Variants in TNN observed in about 807,000 individuals in gnomAD.
TNN encodes tenascin N.
A neutral mutation model predicts 134.4 loss-of-function variants in TNN; 122 were observed. That is an observed-to-expected ratio of 0.91 (90% CI 0.78 to 1.06). TNN has a LOEUF of 1.06. Among genes scored for constraint, TNN ranks in the 50% least tolerant of loss-of-function variants. The pLI is 0.00. For synonymous variants in TNN, 710 were observed against 670.3 expected (o/e 1.06, Z -0.91); for missense variants, 1,739 against 1,699.4 (o/e 1.02, Z -0.41).
intron 11 of TNN, among the ~76,000 whole-genome samples, chr1:175,120,002 G>A (rs1205899780): frequency 6.6e-6 from 1 of 152,116 alleles, no homozygotes; most frequent in East Asian, 1.9e-4. Flanking sequence ...TCAGCTATAG[G>A]AAATAATGTA....
intron 17 of TNN, among the ~76,000 whole-genome samples, chr1:175,138,468 G>A (rs1220263663): frequency 6.6e-6 from 1 of 152,156 alleles, no homozygotes; most frequent in African/African-American, 2.4e-5. Flanking sequence ...TGACATGGGA[G>A]GGGACAAAGA....
At chr1:175,146,875 C>A (rs1676082006) in intron 18 of TNN, 56 bp from the exon 19 acceptor site, 6 of 1,460,006 alleles carry the variant, frequency 4.1e-6, no homozygotes, top group Non-Finnish European at 5.5e-6. Flanking sequence ...CATAACCCAC[C>A]CTGCCCTCCT....
Position 175,077,620 on chromosome 1 carries a change from G to T in TNN, c.202G>T (p.Asp68Tyr). The change falls in exon 2 of 19, where the codon GAT (aspartate) becomes TAT (tyrosine). Residue 68 changes from aspartate (D) to tyrosine (Y), a missense_variant. Transcript: ENST00000239462. ...CGCTGACCCTCAGCCCCTCAGTGACGATGGGGCTTCGCTCTTGGCCCTGGG... is the reference window on the plus strand; with the variant it reads ...CGCTGACCCTCAGCCCCTCAGTGACTATGGGGCTTCGCTCTTGGCCCTGGG... ...VDADPQPLSDDGASLLALGEA... is the reference protein window; with the variant it reads ...VDADPQPLSDYGASLLALGEA... 6.2e-7 allele frequency: 1 copy of T among 1,614,204 alleles called. No individual in the cohort carries two copies. Among genetic ancestry groups the T allele is most frequent in the Non-Finnish European group, 8.5e-7 (1 of 1,180,026 alleles).
At chr1:175,097,318 T>C in intron 7 of TNN, 99 bp from the exon 8 acceptor site, 1 of 1,462,010 alleles carries the variant, frequency 6.8e-7, no homozygotes, top group Admixed American at 1.9e-5. Flanking sequence ...TTAGAGACTC[T>C]GACATTTGTT....
chr1:175,068,502 T>C (rs530392435), intron 1 of TNN, among the ~76,000 whole-genome samples: 1 of 152,346 alleles, frequency 6.6e-6, no homozygotes, highest in East Asian at 1.9e-4. Flanking sequence ...TCTCCAGACA[T>C]TTAATTTTAC....
At chr1:175,120,713 G>A (rs1185687928) in intron 11 of TNN, among the ~76,000 whole-genome samples, 2 of 149,422 alleles carry the variant, frequency 1.3e-5, no homozygotes, top group East Asian at 1.9e-4. Context: ...TCTTTAGCTG[G>A]ATGGCCCTGT....
chr1:175,087,194 G>A (rs571147665), intron 6 of TNN, among the ~76,000 whole-genome samples: 1 of 152,308 alleles, frequency 6.6e-6, no homozygotes, highest in African/African-American at 2.4e-5. Context: ...TGGAATCACA[G>A]AAACAATCTG....
At position 175,127,919 on chromosome 1, in the gene TNN, CTG is replaced by C. The variant is rs959584804; in HGVS notation, c.3046-110_3046-109del. The C allele has an allele frequency of 4.6e-6, 6 of 1,312,340 alleles. No homozygotes were observed. In the Admixed American group the frequency reaches 8.8e-5, roughly 19 times the overall value. 81.3% of individuals were successfully genotyped at this position (1,312,340 alleles called of 1,614,324 possible). A position where few individuals can be genotyped will look rare whatever the true frequency, so the allele number is the denominator to read the frequency against. The stretch of plus-strand genomic sequence containing the variant: ...ACTGAGGCTTCGGAGAGACAAAACA[CTG>C]TGCTCTCAGAGAGCTTCTGTCATTA... On this transcript the variant is annotated intron_variant, in intron 13 of 18. Transcript: ENST00000239462.
At chr1:175,094,676 A>C (rs1313724078) in intron 7 of TNN, among the ~76,000 whole-genome samples, 1 of 152,202 alleles carries the variant, frequency 6.6e-6, no homozygotes, top group Non-Finnish European at 1.5e-5. Context: ...CTAAGTCAAC[A>C]TTTACTAAAT....
At chr1:175,080,113 G>T (rs1385674832) in intron 3 of TNN, 50 bp from the exon 4 acceptor site, 1 of 1,600,564 alleles carries the variant, frequency 6.2e-7, no homozygotes, top group Non-Finnish European at 8.5e-7. Context: ...ACTGGGTCTG[G>T]ATCGCCTCCC....
Position 175,079,490 on chromosome 1 carries a change from T to C in TNN, c.567T>C (p.His189=). Residue 189 remains histidine (H), a synonymous_variant, in exon 3 of 19, where the codon CAT becomes CAC. Coordinates refer to ENST00000239462, the MANE Select transcript of TNN (RefSeq NM_022093.2). ...GCGTGGACGGGCGCTGCCTGTGCCA[T>C]GAGCCCTACGTGGGTGCCGACTGCG... ...GRCVDGRCLC[H]EPYVGADCGY... is the part of the protein sequence containing the mutation. 1 of 1,562,840 alleles carries C rather than the reference T, an allele frequency of 6.4e-7. No homozygotes were observed. Among genetic ancestry groups the C allele is most frequent in the South Asian group, 1.2e-5 (1 of 86,086 alleles).
chr1:175,143,518 G>GGTGTGTGTGT (rs149081442), intron 17 of TNN, among the ~76,000 whole-genome samples: 5,146 of 148,426 alleles, frequency 0.035, 122 homozygotes, highest in African/African-American at 0.068. Context: ...TTTGTGTGTA[G>GGTGTGTGTGT]GTGTGTGTGT....
intron 12 of TNN, among the ~76,000 whole-genome samples, chr1:175,125,735 TTCTTTCTTTCTTTCTTTCTTTCTC>T: frequency 1.9e-5 from 2 of 107,860 alleles, no homozygotes. Flanking sequence ...CTTTCTTTCT[TTCTTTCTTTCTTTCTTTCTTTCTC>T]TCTCTCTCCC....
intron 9 of TNN, among the ~76,000 whole-genome samples, chr1:175,106,332 G>A (rs1343899497): frequency 6.9e-6 from 1 of 145,666 alleles, no homozygotes; most frequent in African/African-American, 2.5e-5. Flanking sequence ...GAATAGGAAG[G>A]ATACAATTTC....
chr1:175,119,638 C>CTTT (rs869293406), intron 11 of TNN, among the ~76,000 whole-genome samples: 1 of 131,570 alleles, frequency 7.6e-6, no homozygotes, highest in South Asian at 2.3e-4. Context: ...CCTTTTTTTT[C>CTTT]TTTTTTTTTT....
At chr1:175,146,618 T>C (rs1676073230) in intron 18 of TNN, among the ~76,000 whole-genome samples, 2 of 151,814 alleles carry the variant, frequency 1.3e-5, no homozygotes, top group Admixed American at 1.3e-4. Context: ...ACCCCTGTGT[T>C]GTCTCTGTGG....
intron 15 of TNN, among the ~76,000 whole-genome samples, chr1:175,129,915 A>T (rs149098474): frequency 2.0e-5 from 3 of 152,352 alleles, no homozygotes; most frequent in African/African-American, 7.2e-5. Context: ...GAAAGACTAA[A>T]GTCTGAAAGA....
chr1:175,135,455 A>G (rs963134362), intron 15 of TNN, among the ~76,000 whole-genome samples: 1 of 152,222 alleles, frequency 6.6e-6, no homozygotes, highest in Non-Finnish European at 1.5e-5. Context: ...AAGGGGAAAA[A>G]AGATGCCATA....
rs563125800 is a variant in TNN at position 175,091,749 on chromosome 1, C to T, written c.1325-2241C>T. 9.9e-5 allele frequency among the ~76,000 whole-genome samples: 15 copies of T among 152,022 alleles called. 1 individual carries two copies. The East Asian group carries it at 1.7e-3, about 18-fold the overall frequency. The stretch of plus-strand genomic sequence containing the variant: ...GATTACAGGCATGTACCACCCTGCC[C>T]GGCTAATTTTTTGTGTTTTTAGTAG... On this transcript the variant is annotated intron_variant, in intron 6 of 18. Coordinates refer to ENST00000239462, the MANE Select transcript of TNN (RefSeq NM_022093.2).
Sources: allele counts gnomAD v4.1 joint callset (sites outside exome capture counted in the v4.1 genomes callset), GRCh38; gene constraint gnomAD v4.1.1; transcripts MANE v1.5; gene names NCBI Gene and HGNC (gene_info 2026-07-23, HGNC 2026-07-21).